Variants in RIN3 observed in about 807,000 individuals in gnomAD.
The protein encoded by RIN3 is Ras and Rab interactor 3, also known as RAB5 interacting protein 3.
A neutral mutation model predicts 76.3 loss-of-function variants in RIN3; 54 were observed. The ratio of observed to expected loss-of-function variants is 0.71; its 90% CI spans 0.57 to 0.89. The LOEUF (loss-of-function observed/expected upper bound fraction) is 0.89. RIN3 is among the 40% of genes least tolerant of loss of function. The pLI, the probability that RIN3 is intolerant of heterozygous loss-of-function variation, is 0.00. For missense variants in RIN3, 1,256 were observed against 1,322.1 expected (o/e 0.95, Z 0.78); for synonymous variants, 576 against 564.0 (o/e 1.02, Z -0.30).
chr14:92,613,722 G>A (rs1438145140), intron 3 of RIN3, among the ~76,000 whole-genome samples: 1 of 152,120 alleles, frequency 6.6e-6, no homozygotes, highest in Non-Finnish European at 1.5e-5. Context: ...GGGGGAAAGG[G>A]CACGCTCTAA....
chr14:92,577,709 A>G (rs1898298364), intron 3 of RIN3, among the ~76,000 whole-genome samples: 1 of 152,338 alleles, frequency 6.6e-6, no homozygotes, highest in East Asian at 1.9e-4. Flanking sequence ...GTGGCTTTGC[A>G]TTCTCATGGC....
intron 5 of RIN3, among the ~76,000 whole-genome samples, chr14:92,645,650 T>A (rs1260467267): frequency 1.3e-5 from 2 of 152,190 alleles, no homozygotes; most frequent in Admixed American, 1.3e-4. Context: ...GGCTTTCTTT[T>A]GGGGTGATAA....
chr14:92,527,207 C>G (rs144692516), intron 1 of RIN3, among the ~76,000 whole-genome samples: 1 of 151,784 alleles, frequency 6.6e-6, no homozygotes, highest in African/African-American at 2.4e-5. Context: ...CCCGCCACCA[C>G]GCCCGGCTAA....
At chr14:92,564,824 A>ACGCG (rs567985102) in intron 2 of RIN3, among the ~76,000 whole-genome samples, 1 of 152,114 alleles carries the variant, frequency 6.6e-6, no homozygotes, top group Admixed American at 6.5e-5. Flanking sequence ...GCGCACACAC[A>ACGCG]CGCGCGCGCG....
chr14:92,675,795 G>A lies in RIN3; in HGVS notation c.2336-680G>A, dbSNP rs115856369. 7.5e-3 allele frequency among the ~76,000 whole-genome samples: 1,148 copies of A among 152,226 alleles called. 19 individuals carry two copies. The highest frequency in any genetic ancestry group is 0.026 in the African/African-American group (1,093 of 41,516). On this transcript the variant is annotated intron_variant, in intron 7 of 9. Coordinates refer to ENST00000216487, the MANE Select transcript of RIN3 (RefSeq NM_024832.5). ...GAGCCACACTGGGGAGGTATCTTTCGGACCCACCTTCCACCCTCCTTCCTG... is the reference window on the plus strand; with the variant it reads ...GAGCCACACTGGGGAGGTATCTTTCAGACCCACCTTCCACCCTCCTTCCTG...
rs1055335616 is a variant in RIN3 at position 92,681,679 on chromosome 14, G to A, written c.2468-3308G>A. 6.6e-6 allele frequency among the ~76,000 whole-genome samples: 1 copy of A among 152,124 alleles called. No individual in the cohort carries two copies. Among genetic ancestry groups the A allele is most frequent in the African/African-American group, 2.4e-5 (1 of 41,420 alleles). On this transcript the variant is annotated intron_variant, in intron 8 of 9. Transcript: ENST00000216487. The surrounding 1 kb of genome is among the most constrained non-coding windows in gnomAD (Gnocchi z 4.7). ...GAAGACATAAGCCAGACAGGAAACAGGACGACTGAGGGATGCCAGGTAGAG... is the reference window on the plus strand; with the variant it reads ...GAAGACATAAGCCAGACAGGAAACAAGACGACTGAGGGATGCCAGGTAGAG...
In RIN3 at chr14:92,568,068, G is replaced by A. The variant is rs534308024; in HGVS notation, c.250-9292G>A. The stretch of plus-strand genomic sequence containing the variant: ...AGACCCCAAGAAGTAAAAGTAACTT[G>A]CCCACGGCTGGTGAGGGGCAGAGGT... On this transcript the variant is annotated intron_variant, in intron 2 of 9. Transcript: ENST00000216487. The surrounding 1 kb of genome is among the most constrained non-coding windows in gnomAD (Gnocchi z 4.2). Among the ~76,000 whole-genome samples the A allele has an allele frequency of 3.3e-5, 5 of 152,232 alleles. No individual in the cohort carries two copies. The South Asian group carries it at 1.0e-3, about 32-fold the overall frequency.
intron 1 of RIN3, among the ~76,000 whole-genome samples, chr14:92,523,278 T>C (rs1896645779): frequency 6.6e-6 from 1 of 152,102 alleles, no homozygotes; most frequent in African/African-American, 2.4e-5. Context: ...TCTTGGCTAG[T>C]TTTTGTATTT....
chr14:92,561,330 A>G (rs140227563), intron 2 of RIN3, among the ~76,000 whole-genome samples: 254 of 147,492 alleles, frequency 1.7e-3, no homozygotes, highest in Admixed American at 0.016. Flanking sequence ...AAATATCTGT[A>G]TGACCTTGAC....
intron 3 of RIN3, among the ~76,000 whole-genome samples, chr14:92,588,229 T>C (rs1487359098): frequency 7.3e-6 from 1 of 137,578 alleles, no homozygotes; most frequent in Non-Finnish European, 1.6e-5. Context: ...TTTTTTTTTT[T>C]TTTTTTTTTT....
intron 7 of RIN3, among the ~76,000 whole-genome samples, chr14:92,661,760 A>ACACACACACACACAC (rs1419895576): frequency 0.029 from 3,733 of 127,718 alleles, 66 homozygotes; most frequent in African/African-American, 0.048. Flanking sequence ...CACACACACA[A>ACACACACACACACAC]AAAATAGAAT....
rs572755864 is a variant in RIN3, at chr14:92,521,464, A to G, written c.44+7488A>G. ...TGGGAGGTGTTAGGGTCATGGGGGC[A>G]GATCCATCATGAATGACTTGGTGCC... is the stretch of plus-strand genomic sequence containing the variant. On this transcript the variant is annotated intron_variant, in intron 1 of 9. Coordinates refer to ENST00000216487, the MANE Select transcript of RIN3 (RefSeq NM_024832.5). Among the ~76,000 whole-genome samples, 603 of 152,320 alleles carry G rather than the reference A, an allele frequency of 4.0e-3. 4 individuals are homozygous for G. Among genetic ancestry groups the G allele is most frequent in the African/African-American group, 0.014 (588 of 41,550 alleles).
chr14:92,659,592 T>A, intron 7 of RIN3, 123 bp downstream of exon 7: 1 of 922,734 alleles, frequency 1.1e-6, no homozygotes, highest in Non-Finnish European at 1.6e-6. Flanking sequence ...AGAGCCCCCT[T>A]GGGGAGGAAC....
Position 92,628,240 on chromosome 14 carries a change from C to T in RIN3, c.440+12761C>T, listed in dbSNP as rs562088827. 3.0e-4 allele frequency among the ~76,000 whole-genome samples: 45 copies of T among 152,312 alleles called. No individual in the cohort carries two copies. In the South Asian group the frequency reaches 8.1e-3, roughly 27 times the overall value. ...AAGAGGAACTATTTGTTCTTAACAA[C>T]GGCAGCACAAGTGGGATCCATGCAA... On this transcript the variant is annotated intron_variant, in intron 4 of 9. Coordinates refer to ENST00000216487, the MANE Select transcript of RIN3 (RefSeq NM_024832.5).
Position 92,653,012 on chromosome 14 carries a change from C to G in RIN3, c.1963C>G (p.Leu655Val). The change falls in exon 6 of 10, where the codon CTG becomes GTG. Residue 655 changes from leucine to valine, a missense_variant. By Grantham distance (32) the Leu-to-Val change is conservative. Transcript: ENST00000216487. ...CATGATGACCCAGCTCAAGAGCTAC[C>G]TGCTGCAGAGCACCGAGCTCAAGGC... ...RTMMTQLKSY[L>V]LQSTELKALV... 1 of 1,612,106 alleles carries G rather than the reference C, an allele frequency of 6.2e-7. No homozygotes were observed. Among genetic ancestry groups the G allele is most frequent in the Non-Finnish European group, 8.5e-7 (1 of 1,180,028 alleles).
At chr14:92,633,879 G>GTA (rs1886678703) in intron 4 of RIN3, among the ~76,000 whole-genome samples, 1 of 142,300 alleles carries the variant, frequency 7.0e-6, no homozygotes, top group African/African-American at 2.6e-5. Flanking sequence ...GTGTGTGTGT[G>GTA]TTTGTATGTG....
intron 4 of RIN3, among the ~76,000 whole-genome samples, chr14:92,626,701 C>T (rs897412264): frequency 7.2e-5 from 11 of 151,896 alleles, no homozygotes; most frequent in African/African-American, 1.9e-4. Flanking sequence ...GATCTGGGAC[C>T]GAGTCCAGGG....
At chr14:92,642,840 C>T (rs1387184038) in intron 5 of RIN3, among the ~76,000 whole-genome samples, 1 of 152,210 alleles carries the variant, frequency 6.6e-6, no homozygotes, top group Non-Finnish European at 1.5e-5. Flanking sequence ...GCTCCATGAG[C>T]ACTGACTGCG....
At chr14:92,538,510 C>T (rs1897061195) in intron 1 of RIN3, among the ~76,000 whole-genome samples, 1 of 152,166 alleles carries the variant, frequency 6.6e-6, no homozygotes, top group African/African-American at 2.4e-5. Flanking sequence ...TGGGGGAGAC[C>T]AGCATGTTAC....
Sources: gnomAD v4.1 joint callset for allele counts (sites outside exome capture counted in the v4.1 genomes callset) on GRCh38, gnomAD v4.1.1 for gene constraint, Gnocchi (gnomAD v3.1) non-coding constraint, MANE v1.5 for transcripts, NCBI Gene and HGNC (gene_info 2026-07-23, HGNC 2026-07-21) for gene names.